UBAC1: variants seen among roughly 807,000 people sequenced by gnomAD.
The protein encoded by UBAC1 is UBA domain containing 1.
UBAC1 carries 27 observed loss-of-function variants against 45.9 expected under a neutral mutation model. The observed-to-expected ratio is 0.59, with a 90% confidence interval of 0.43 to 0.81. The LOEUF is 0.81. Ranked by LOEUF, UBAC1 falls within the 30% of genes least tolerant of loss-of-function variation. UBAC1 has a pLI of 0.00. For missense variants in UBAC1, 529 were observed against 539.2 expected (o/e 0.98, Z 0.19); for synonymous variants, 227 against 215.5 (o/e 1.05, Z -0.47).
intron 3 of UBAC1, among the ~76,000 whole-genome samples, chr9:135,948,246 C>T (rs568770965): frequency 2.0e-5 from 3 of 152,336 alleles, no homozygotes; most frequent in East Asian, 3.9e-4. Flanking sequence ...AGCTGAGCCC[C>T]GAGGCCAAAA....
rs1468375956 is a variant in UBAC1 at position 135,946,278 on chromosome 9, T to C, written c.535A>G (p.Lys179Glu). ...LNPDAVELFK[K>E]ANAMLDEDED... ...CGGGGTTGACTCATACCATTCGCCT[T>C]CTTAAACAATTCCACTGCATCTGGG... The change falls in exon 5 of 10, where the codon AAG becomes GAG. Residue 179 changes from lysine (K) to glutamate (E), a missense_variant. By Grantham distance (56) the Lys-to-Glu change is moderately conservative (BLOSUM62 1). Transcript: ENST00000371756. The C allele has an allele frequency of 1.2e-6, 2 of 1,612,060 alleles. No homozygotes were observed. Among genetic ancestry groups the C allele is most frequent in the East Asian group, 4.5e-5 (2 of 44,872 alleles).
At chr9:135,946,230 T>C (rs1026267001) in intron 5 of UBAC1, 39 bp downstream of exon 5, 5 of 1,461,202 alleles carry the variant, frequency 3.4e-6, no homozygotes, top group African/African-American at 1.4e-5. Context: ...AGGCCGGCAG[T>C]GAACCGCCCT....
intron 9 of UBAC1, among the ~76,000 whole-genome samples, chr9:135,937,893 C>T (rs961177036): frequency 2.0e-5 from 3 of 152,232 alleles, no homozygotes; most frequent in African/African-American, 7.2e-5. Context: ...CCAAACCACA[C>T]CTTGTCCTCC....
intron 3 of UBAC1, among the ~76,000 whole-genome samples, chr9:135,949,687 A>C (rs1447434764): frequency 1.3e-5 from 2 of 152,234 alleles, no homozygotes; most frequent in African/African-American, 4.8e-5. Flanking sequence ...CAGATCGAGA[A>C]GAACAAGACA....
rs374563252 is a variant in UBAC1 at position 135,933,300 on chromosome 9, G to A, written c.*100C>T. On this transcript the variant is annotated 3_prime_UTR_variant, in exon 10 of 10. Coordinates refer to ENST00000371756, the MANE Select transcript of UBAC1 (RefSeq NM_016172.3). ...GCAGCACCTCTAACAGTCCAGGGCT[G>A]AGGCGCTGAAGGTGAGTTTCCAGGT... 1.1e-6 allele frequency: 1 copy of A among 903,850 alleles called. No individual in the cohort carries two copies. Among genetic ancestry groups the A allele is most frequent in the Non-Finnish European group, 1.8e-6 (1 of 549,646 alleles). The allele number at this position is 903,850 out of a possible 1,614,324, so 56.0% of individuals were successfully genotyped here. A position where few individuals can be genotyped will look rare whatever the true frequency, so the allele number is the denominator to read the frequency against.
At chr9:135,949,334 A>C (rs1839378529) in intron 3 of UBAC1, among the ~76,000 whole-genome samples, 2 of 152,204 alleles carry the variant, frequency 1.3e-5, no homozygotes, top group South Asian at 4.1e-4. Flanking sequence ...AAAGAAAACA[A>C]GGAGATCAAA....
intron 8 of UBAC1, 49 bp from the exon 9 acceptor site, chr9:135,938,409 C>T (rs766856613): frequency 1.0e-5 from 16 of 1,588,276 alleles, no homozygotes; most frequent in Admixed American, 1.7e-5. Context: ...TCAGTGCCTC[C>T]GCAAGACGCC....
At chr9:135,941,333 GA>G (rs1256814717) in intron 7 of UBAC1, among the ~76,000 whole-genome samples, 1 of 152,138 alleles carries the variant, frequency 6.6e-6, no homozygotes, top group Non-Finnish European at 1.5e-5. Flanking sequence ...TTGAACCTGG[GA>G]AGTGGAGGTT....
intron 3 of UBAC1, among the ~76,000 whole-genome samples, chr9:135,952,730 G>A (rs1271027629): frequency 6.6e-6 from 1 of 152,234 alleles, no homozygotes; most frequent in Non-Finnish European, 1.5e-5. Context: ...CCCGGGACCA[G>A]AACTGTTTCG....
chr9:135,945,971 G>GCTCATCCT lies in UBAC1; in HGVS notation c.563_570dup (p.Val192MetfsTer28). On this transcript the variant is annotated frameshift_variant, in exon 6 of 10. Coordinates refer to ENST00000371756, the MANE Select transcript of UBAC1 (RefSeq NM_016172.3). LOFTEE classifies it high-confidence loss of function. ...TGCCGCAGGGCAGCCTCGTCCACACGCTCATCCTCGTCCTCGTCCAGCATT... is the reference window on the plus strand; with the variant it reads ...TGCCGCAGGGCAGCCTCGTCCACACGCTCATCCTCTCATCCTCGTCCTCGTCCAGCATT... 1.9e-6 allele frequency: 3 copies of GCTCATCCT among 1,613,778 alleles called. No homozygotes were observed. Among genetic ancestry groups the GCTCATCCT allele is most frequent in the Non-Finnish European group, 1.7e-6 (2 of 1,179,896 alleles).
intron 7 of UBAC1, among the ~76,000 whole-genome samples, chr9:135,944,521 G>A (rs1216882207): frequency 6.6e-6 from 1 of 152,198 alleles, no homozygotes; most frequent in Non-Finnish European, 1.5e-5. Context: ...ATGAGGCGCG[G>A]GCGAGGAAGG....
chr9:135,956,817 T>C (rs1839472492), intron 1 of UBAC1, among the ~76,000 whole-genome samples: 1 of 152,220 alleles, frequency 6.6e-6, no homozygotes, highest in South Asian at 2.1e-4. Flanking sequence ...ACAGATCCCC[T>C]GAGGTTTGAT....
At chr9:135,960,159 C>A (rs764217434) in intron 1 of UBAC1, among the ~76,000 whole-genome samples, 27 of 152,176 alleles carry the variant, frequency 1.8e-4, no homozygotes, top group Non-Finnish European at 3.8e-4. Context: ...CCTCCTTCAA[C>A]CTAAATTCTG....
chr9:135,957,253 G>C (rs1839478087), intron 1 of UBAC1, among the ~76,000 whole-genome samples: 1 of 152,110 alleles, frequency 6.6e-6, no homozygotes, highest in Admixed American at 6.5e-5. Flanking sequence ...CAGCTACTAG[G>C]AAGACACACT....
intron 2 of UBAC1, among the ~76,000 whole-genome samples, chr9:135,954,910 C>T (rs1435041516): frequency 1.3e-5 from 2 of 152,214 alleles, no homozygotes; most frequent in Non-Finnish European, 2.9e-5. Flanking sequence ...TCAAGTGCCT[C>T]CAGACACAAA....
At chr9:135,953,461 C>T (rs1013674625) in intron 3 of UBAC1, among the ~76,000 whole-genome samples, 7 of 152,130 alleles carry the variant, frequency 4.6e-5, no homozygotes, top group Non-Finnish European at 8.8e-5. Context: ...GGACTACAGG[C>T]ATGAGCCACC....
rs1839530804 is a variant in UBAC1, at chr9:135,961,085, C to A, written c.78G>T (p.Trp26Cys). The A allele has an allele frequency of 6.3e-7, 1 of 1,586,260 alleles. No homozygotes were observed. The highest frequency in any genetic ancestry group is 1.4e-5 in the African/African-American group (1 of 72,456). ...LHICASDGAEWLEEATEDTSV... is the reference protein window; with the variant it reads ...LHICASDGAECLEEATEDTSV... ...AGGTGTCCTCGGTGGCCTCCTCCAG[C>A]CACTCGGCGCCGTCGGACGCGCAGA... The change falls in exon 1 of 10, where the codon TGG becomes TGT. Residue 26 changes from tryptophan to cysteine, a missense_variant. Coordinates refer to ENST00000371756, the MANE Select transcript of UBAC1 (RefSeq NM_016172.3).
chr9:135,944,891 T>TC, intron 7 of UBAC1, 137 bp downstream of exon 7: 1 of 886,986 alleles, frequency 1.1e-6, no homozygotes, highest in Non-Finnish European at 1.7e-6. Context: ...GTAAACCCCT[T>TC]CCCCAGCTTC....
In UBAC1 at chr9:135,945,922, T is replaced by C. The variant is rs759329495; in HGVS notation, c.620A>G (p.Glu207Gly). The C allele has an allele frequency of 6.2e-7, 1 of 1,614,020 alleles. No individual in the cohort carries two copies. The highest frequency in any genetic ancestry group is 1.1e-5 in the South Asian group (1 of 91,080). ...LRQLTEMGFP[E>G]NRATKALQLN... is the part of the protein sequence containing the mutation. The stretch of plus-strand genomic sequence containing the variant: ...CTGAAGGGCCTTGGTGGCTCTGTTC[T>C]CCGGAAAGCCCATCTCCGTGAGCTG... Residue 207 changes from glutamate (E) to glycine (G), a missense_variant, in exon 6 of 10, where the codon GAG (glutamate) becomes GGG (glycine). Physicochemically the swap from Glu to Gly is moderately conservative, Grantham distance 98 (BLOSUM62 -2). Transcript: ENST00000371756.
Sources: allele counts gnomAD v4.1 joint callset (sites outside exome capture counted in the v4.1 genomes callset), GRCh38; gene constraint gnomAD v4.1.1; transcripts MANE v1.5; gene names NCBI Gene and HGNC (gene_info 2026-07-23, HGNC 2026-07-21).